Variants in USP13 observed in about 807,000 individuals in gnomAD.
The protein encoded by USP13 is ubiquitin carboxyl-terminal hydrolase 13.
In USP13, 68 loss-of-function variants were observed where a neutral mutation model predicts 107.8. That is an observed-to-expected ratio of 0.63 (90% CI 0.52 to 0.77). The LOEUF is 0.77. USP13 is among the 30% of genes least tolerant of loss of function. The pLI is 0.00. For missense variants in USP13, 945 were observed against 1,093.3 expected (o/e 0.86, Z 1.91); for synonymous variants, 377 against 389.5 (o/e 0.97, Z 0.38).
At chr3:179,702,828 T>C (rs563745961) in intron 4 of USP13, among the ~76,000 whole-genome samples, 1 of 152,206 alleles carries the variant, frequency 6.6e-6, no homozygotes, top group Non-Finnish European at 1.5e-5. Flanking sequence ...TACCTGAAAT[T>C]ATATACCAAT....
chr3:179,757,332 C>A (rs1215159005), intron 16 of USP13, among the ~76,000 whole-genome samples: 1 of 152,114 alleles, frequency 6.6e-6, no homozygotes, highest in Admixed American at 6.5e-5. Context: ...GACTGTGTGA[C>A]CTGGAGTAAT....
At chr3:179,676,335 T>C (rs4855104) in intron 1 of USP13, among the ~76,000 whole-genome samples, 1 of 152,206 alleles carries the variant, frequency 6.6e-6, no homozygotes, top group East Asian at 1.9e-4. Context: ...CACTGTCATC[T>C]TGAACCTGGC....
chr3:179,694,783 G>C, intron 3 of USP13, among the ~76,000 whole-genome samples: 1 of 107,530 alleles, frequency 9.3e-6, no homozygotes, highest in Non-Finnish European at 1.7e-5. Context: ...CCTGGGCAAA[G>C]AGTGAAACTC....
intron 7 of USP13, among the ~76,000 whole-genome samples, chr3:179,720,265 C>G (rs1021663311): frequency 6.6e-6 from 1 of 152,192 alleles, no homozygotes; most frequent in East Asian, 1.9e-4. Context: ...TCATCAAGTA[C>G]TCTTTTGGTT....
intron 19 of USP13, among the ~76,000 whole-genome samples, chr3:179,776,643 A>T (rs1283423316): frequency 6.6e-6 from 1 of 152,202 alleles, no homozygotes; most frequent in African/African-American, 2.4e-5. Context: ...GATGTGAGAC[A>T]TAGTGGTTTT....
chr3:179,765,877 G>A (rs372788744), intron 19 of USP13, 29 bp downstream of exon 19: 1 of 1,609,370 alleles, frequency 6.2e-7, no homozygotes, highest in South Asian at 1.1e-5. Flanking sequence ...GGCTGTCTGA[G>A]CAGTCAGAAC....
At chr3:179,754,523 T>C (rs1156991958) in intron 14 of USP13, among the ~76,000 whole-genome samples, 1 of 152,116 alleles carries the variant, frequency 6.6e-6, no homozygotes, top group Non-Finnish European at 1.5e-5. Context: ...TTGTTTGGGG[T>C]GAAATCCTGC....
chr3:179,761,015 T>A, intron 16 of USP13, 97 bp from the exon 17 acceptor site: 6 of 1,469,572 alleles, frequency 4.1e-6, no homozygotes, highest in Non-Finnish European at 5.6e-6. Context: ...GAATAGCACT[T>A]TCTTTGGGTA....
rs560607401 is a variant in USP13 at position 179,759,729 on chromosome 3, C to T, written c.1949-1383C>T. ...TCACTCTGTCACCAGGTTGGAGTGC[C>T]GTGGCGCGATCTCAGCCCACTGCAA... On this transcript the variant is annotated intron_variant, in intron 16 of 20. Coordinates refer to ENST00000263966, the MANE Select transcript of USP13 (RefSeq NM_003940.3). Among the ~76,000 whole-genome samples, 13 of 151,988 alleles carry T rather than the reference C, an allele frequency of 8.6e-5. No individual in the cohort carries two copies. In the East Asian group the frequency reaches 1.9e-3, roughly 23 times the overall value.
rs753853754 is a variant in USP13, at chr3:179,685,336, C to T, written c.294+3333C>T. On this transcript the variant is annotated intron_variant, in intron 2 of 20. Transcript: ENST00000263966. ...TACTTTAGTTATAATAGTTTGTGCA[C>T]GATTTTGGATCTTCTCAATGGTCAA... Among the ~76,000 whole-genome samples the T allele has an allele frequency of 4.5e-4, 68 of 151,854 alleles. 1 individual carries two copies. The highest frequency in any genetic ancestry group is 1.0e-3 in the South Asian group (5 of 4,812).
chr3:179,778,280 G>T (rs1025774476), intron 19 of USP13, among the ~76,000 whole-genome samples: 1 of 152,104 alleles, frequency 6.6e-6, no homozygotes, highest in African/African-American at 2.4e-5. Context: ...GAAATGAAGC[G>T]AAAGGAGTCA....
intron 17 of USP13, among the ~76,000 whole-genome samples, chr3:179,762,555 TG>T (rs759964365): frequency 6.0e-4 from 92 of 152,290 alleles, no homozygotes; most frequent in Admixed American, 1.9e-3. Flanking sequence ...CCCTCCAGCC[TG>T]GGCAACAGAG....
intron 3 of USP13, among the ~76,000 whole-genome samples, chr3:179,695,395 C>A (rs554527267): frequency 1.3e-5 from 2 of 152,188 alleles, no homozygotes; most frequent in South Asian, 4.2e-4. Context: ...ACAAGGGAAG[C>A]TGAGGCCACT....
intron 1 of USP13, among the ~76,000 whole-genome samples, chr3:179,654,755 A>G (rs1720201812): frequency 6.6e-6 from 1 of 152,218 alleles, no homozygotes. Flanking sequence ...ATGAGCGGCA[A>G]CATTTCCAAA....
intron 3 of USP13, among the ~76,000 whole-genome samples, chr3:179,699,920 A>G (rs1712458456): frequency 6.6e-6 from 1 of 152,046 alleles, no homozygotes; most frequent in Non-Finnish European, 1.5e-5. Flanking sequence ...TGGGTGCTCC[A>G]TTAAGTAAAA....
chr3:179,739,518 G>A (rs1372687155), intron 10 of USP13, among the ~76,000 whole-genome samples: 47 of 152,182 alleles, frequency 3.1e-4, no homozygotes, highest in Non-Finnish European at 5.9e-5. Context: ...GGAAGGGAAG[G>A]GGAGATGCTG....
rs143671640 is a variant in USP13 at position 179,752,058 on chromosome 3, C to T, written c.1710-227C>T. On this transcript the variant is annotated intron_variant, in intron 13 of 20. Coordinates refer to ENST00000263966, the MANE Select transcript of USP13 (RefSeq NM_003940.3). ...GCACCTACCCAAAAGCATTCTTAAA[C>T]GATAACATTCTACATTAAACATTTT... Among the ~76,000 whole-genome samples, 655 of 152,286 alleles carry T rather than the reference C, an allele frequency of 4.3e-3. 7 individuals carry two copies. The highest frequency in any genetic ancestry group is 0.015 in the African/African-American group (615 of 41,562).
At chr3:179,708,737 C>G in intron 5 of USP13, 36 bp from the exon 6 acceptor site, 1 of 1,608,294 alleles carries the variant, frequency 6.2e-7, no homozygotes, top group Admixed American at 1.7e-5. Flanking sequence ...AAAATTATGC[C>G]CTGGCTGTTC....
chr3:179,768,024 A>G (rs904213153), intron 19 of USP13, among the ~76,000 whole-genome samples: 5 of 152,240 alleles, frequency 3.3e-5, no homozygotes, highest in Admixed American at 2.0e-4. Flanking sequence ...AGTATCTGGT[A>G]TTACTTTTCA....
Sources: allele counts gnomAD v4.1 joint callset (sites outside exome capture counted in the v4.1 genomes callset), GRCh38; gene constraint gnomAD v4.1.1; transcripts MANE v1.5; gene names NCBI Gene and HGNC (gene_info 2026-07-23, HGNC 2026-07-21).